The following PARN variants were observed in gnomAD, a reference collection of about 807,000 sequenced individuals.
The protein encoded by PARN is poly(A)-specific ribonuclease.
PARN carries 71 observed loss-of-function variants against 102.8 expected under a neutral mutation model. That is an observed-to-expected ratio of 0.69 (90% CI 0.57 to 0.84). The LOEUF is 0.84. PARN is among the 40% of genes least tolerant of loss of function. PARN has a pLI of 0.00. For synonymous variants in PARN, 261 were observed against 252.9 expected (o/e 1.03, Z -0.30); for missense variants, 782 against 760.9 (o/e 1.03, Z -0.33).
At chr16:14,598,235 T>G (rs1311754267) in intron 12 of PARN, among the ~76,000 whole-genome samples, 1 of 152,144 alleles carries the variant, frequency 6.6e-6, no homozygotes, top group African/African-American at 2.4e-5. Context: ...AAATTTTAAA[T>G]GTCCGGATCG....
chr16:14,593,408 T>G, intron 12 of PARN, 30 bp from the exon 13 acceptor site: 1 of 1,177,978 alleles, frequency 8.5e-7, no homozygotes, highest in Non-Finnish European at 1.3e-6. Flanking sequence ...GAAAAAAGAC[T>G]TCTACATTCG....
chr16:14,588,859 C>T (rs1372214274), intron 13 of PARN, among the ~76,000 whole-genome samples: 1 of 149,742 alleles, frequency 6.7e-6, no homozygotes, highest in Non-Finnish European at 1.5e-5. Flanking sequence ...TCCAGCCTGG[C>T]GACAGAGTGA....
At chr16:14,553,964 A>T in intron 20 of PARN, 101 bp downstream of exon 20, 1 of 702,360 alleles carries the variant, frequency 1.4e-6, no homozygotes, top group Non-Finnish European at 2.4e-6. Context: ...TTGAATATTA[A>T]CATTCTTTTA....
At chr16:14,540,318 T>C (rs1966791318) in intron 21 of PARN, among the ~76,000 whole-genome samples, 1 of 152,218 alleles carries the variant, frequency 6.6e-6, no homozygotes, top group African/African-American at 2.4e-5. Flanking sequence ...GTGAAAAATA[T>C]TCATTTTTTG....
chr16:14,533,728 G>A (rs941389534), intron 21 of PARN, among the ~76,000 whole-genome samples: 1 of 152,074 alleles, frequency 6.6e-6, no homozygotes, highest in Non-Finnish European at 1.5e-5. Context: ...CTTCCCTGGT[G>A]ACCCTCTTCT....
chr16:14,463,392 G>A (rs924047819), intron 22 of PARN, among the ~76,000 whole-genome samples: 2 of 152,138 alleles, frequency 1.3e-5, no homozygotes, highest in Non-Finnish European at 2.9e-5. Context: ...CCTTCCTGTA[G>A]GAGATAGCTT....
chr16:14,509,505 C>T (rs574935659), intron 21 of PARN, among the ~76,000 whole-genome samples: 6 of 152,160 alleles, frequency 3.9e-5, no homozygotes, highest in Non-Finnish European at 8.8e-5. Flanking sequence ...AATAACTAAT[C>T]CTTTTTCATG....
Position 14,623,650 on chromosome 16 carries a change from A to G in PARN, c.327+3456T>C, listed in dbSNP as rs919068407. ...TCAGGAGTTTGAGACCAGCCTGACC[A>G]ATATGGTGAAACGCTGTCCCCATTA... is the stretch of plus-strand genomic sequence containing the variant. On this transcript the variant is annotated intron_variant, in intron 5 of 23. Coordinates refer to ENST00000437198, the MANE Select transcript of PARN (RefSeq NM_002582.4). 3.3e-5 allele frequency among the ~76,000 whole-genome samples: 5 copies of G among 152,182 alleles called. No homozygotes were observed. In the South Asian group the frequency reaches 1.0e-3, roughly 32 times the overall value.
intron 21 of PARN, among the ~76,000 whole-genome samples, chr16:14,494,256 T>C (rs1470748064): frequency 6.6e-6 from 1 of 152,190 alleles, no homozygotes; most frequent in East Asian, 1.9e-4. Context: ...TATCCATTCA[T>C]TCATGAACAA....
intron 22 of PARN, among the ~76,000 whole-genome samples, chr16:14,473,976 G>A (rs116024176): frequency 9.2e-5 from 14 of 152,206 alleles, no homozygotes; most frequent in African/African-American, 3.4e-4. Flanking sequence ...TTAGAGGGCG[G>A]CCTCCACTAA....
chr16:14,443,203 T>C lies in PARN; in HGVS notation c.1864+3685A>G, dbSNP rs576624538. On this transcript the variant is annotated intron_variant, in intron 23 of 23. Transcript: ENST00000437198. ...ATAAATAGTCCTTTCTTCCACTATT[T>C]TTGTCATTTTGTTATCTGGGATTGG... Among the ~76,000 whole-genome samples the C allele has an allele frequency of 3.3e-5, 5 of 152,304 alleles. No individual in the cohort carries two copies. In the South Asian group the frequency reaches 1.0e-3, roughly 32 times the overall value.
chr16:14,512,863 G>A (rs1283047177), intron 21 of PARN, among the ~76,000 whole-genome samples: 1 of 152,150 alleles, frequency 6.6e-6, no homozygotes, highest in East Asian at 1.9e-4. Flanking sequence ...TTTTGTTGTG[G>A]TTTTTATTTT....
chr16:14,587,666 A>G (rs1054013661), intron 13 of PARN, among the ~76,000 whole-genome samples: 10 of 152,180 alleles, frequency 6.6e-5, no homozygotes, highest in African/African-American at 2.4e-4. Flanking sequence ...ATTTCTTCTC[A>G]TCACTTCTTC....
intron 12 of PARN, among the ~76,000 whole-genome samples, chr16:14,596,371 G>A (rs1002517913): frequency 2.0e-5 from 3 of 151,864 alleles, no homozygotes; most frequent in African/African-American, 7.3e-5. Flanking sequence ...TAATAATCTA[G>A]TATTATTATT....
At position 14,610,628 on chromosome 16, in the gene PARN, T is replaced by C. The variant is rs757429918; in HGVS notation, c.554+16A>G. 10 of 1,552,688 alleles carry C rather than the reference T, an allele frequency of 6.4e-6. No individual in the cohort carries two copies. In the Admixed American group the frequency reaches 1.7e-4, roughly 26 times the overall value. Reference sequence around the variant, plus strand: ...ATAGCACACAATGCACGCTTAGTTTTAATTTAGGAACTTACACCACTTGGT... The same window carrying C: ...ATAGCACACAATGCACGCTTAGTTTCAATTTAGGAACTTACACCACTTGGT... On this transcript the variant is annotated intron_variant, in intron 7 of 23. Coordinates refer to ENST00000437198, the MANE Select transcript of PARN (RefSeq NM_002582.4).
intron 22 of PARN, among the ~76,000 whole-genome samples, chr16:14,449,545 A>T (rs1961358202): frequency 2.0e-5 from 3 of 152,216 alleles, no homozygotes. Context: ...CAGGGCAATA[A>T]ATAACGTGAG....
At chr16:14,505,269 T>C (rs1314111229) in intron 21 of PARN, among the ~76,000 whole-genome samples, 2 of 152,194 alleles carry the variant, frequency 1.3e-5, no homozygotes, top group Non-Finnish European at 2.9e-5. Context: ...AAGAATAAAC[T>C]GACAGATATA....
rs1476944203 is a variant in PARN at position 14,436,716 on chromosome 16, G to C, written c.*1C>G. ...AGCGGTTTGCTGCCCTCAGGTCTTG[G>C]TTACCATGTGTCAGGAACTTCAAAG... is the stretch of plus-strand genomic sequence containing the variant. On this transcript the variant is annotated 3_prime_UTR_variant, in exon 24 of 24. Transcript: ENST00000437198. 4 of 1,598,956 alleles carry C rather than the reference G, an allele frequency of 2.5e-6. No individual in the cohort carries two copies. The African/African-American group carries it at 4.0e-5, about 16-fold the overall frequency.
At chr16:14,510,702 A>G (rs993484526) in intron 21 of PARN, among the ~76,000 whole-genome samples, 1 of 152,174 alleles carries the variant, frequency 6.6e-6, no homozygotes, top group Non-Finnish European at 1.5e-5. Context: ...TTGAGCCTAG[A>G]TCTCCATGCT....
Sources: gnomAD v4.1 joint callset for allele counts (sites outside exome capture counted in the v4.1 genomes callset) on GRCh38, gnomAD v4.1.1 for gene constraint, MANE v1.5 for transcripts, NCBI Gene and HGNC (gene_info 2026-07-23, HGNC 2026-07-21) for gene names.